Variants in DYRK1A observed in about 807,000 individuals in gnomAD.
DYRK1A encodes the protein dual specificity tyrosine phosphorylation regulated kinase 1A.
Under a neutral mutation model 79.7 loss-of-function variants are expected in DYRK1A, and 9 were observed. That is an observed-to-expected ratio of 0.11 (90% confidence interval 0.07 to 0.20). The LOEUF (loss-of-function observed/expected upper bound fraction) is 0.20. Among genes scored for constraint, DYRK1A ranks in the 10% least tolerant of loss-of-function variants. The pLI, the probability that DYRK1A is intolerant of heterozygous loss-of-function variation, is 1.00. For missense variants in DYRK1A, 622 were observed against 956.0 expected, an observed-to-expected ratio of 0.65 and a Z score of 4.61; for synonymous variants, 349 against 329.7, an observed-to-expected ratio of 1.06 and a Z score of -0.63.
At chr21:37,500,191 TATC>T (rs1263957947) in intron 9 of DYRK1A, among the ~76,000 whole-genome samples, 1 of 152,216 alleles carries the variant, frequency 6.6e-6, no homozygotes, top group Non-Finnish European at 1.5e-5. Context: ...GCTTTTTTAA[TATC>T]ATGAGTGGGT....
At chr21:37,495,581 G>A (rs1375661174) in intron 8 of DYRK1A, among the ~76,000 whole-genome samples, 1 of 151,980 alleles carries the variant, frequency 6.6e-6, no homozygotes, top group Non-Finnish European at 1.5e-5. Flanking sequence ...GCAGTGAGCC[G>A]AGATTGCGCC....
At chr21:37,370,421 A>C (rs953377312) in intron 1 of DYRK1A, among the ~76,000 whole-genome samples, 2 of 152,128 alleles carry the variant, frequency 1.3e-5, no homozygotes, top group African/African-American at 4.8e-5. Context: ...TATAGGCGAG[A>C]AGGGAATTGC....
At chr21:37,407,881 A>G (rs2050176780) in intron 1 of DYRK1A, among the ~76,000 whole-genome samples, 1 of 152,190 alleles carries the variant, frequency 6.6e-6, no homozygotes, top group South Asian at 2.1e-4. Flanking sequence ...CCAGCTTGGC[A>G]CTATGAAGTT....
At chr21:37,464,051 G>A (rs1055341070) in intron 2 of DYRK1A, among the ~76,000 whole-genome samples, 10 of 152,070 alleles carry the variant, frequency 6.6e-5, no homozygotes, top group African/African-American at 2.4e-4. Context: ...TTCAGGTTAG[G>A]TAAGAATAAC....
At position 37,522,816 on chromosome 21, in the gene DYRK1A, C is replaced by G. The variant is rs910782567; in HGVS notation, c.*10285C>G. On this transcript the variant is annotated 3_prime_UTR_variant, in exon 12 of 12. Transcript: ENST00000647188. The stretch of plus-strand genomic sequence containing the variant: ...AAAAGCCTGCTCTTTGCCCATTTCT[C>G]TGTTCCCAAGGTCATTTTCTCCCCT... 4 of 152,372 alleles carry G rather than the reference C, an allele frequency of 2.6e-5. No homozygotes were observed. The highest frequency in any genetic ancestry group is 4.8e-5 in the African/African-American group (2 of 41,460). 9.4% of individuals were successfully genotyped at this position (152,372 alleles called of 1,614,324 possible).
chr21:37,380,293 A>G (rs1675511989), intron 1 of DYRK1A, among the ~76,000 whole-genome samples: 1 of 152,278 alleles, frequency 6.6e-6, no homozygotes, highest in African/African-American at 2.4e-5. Context: ...AATGTTCGTT[A>G]TTGAGAGACA....
chr21:37,478,351 A>T, intron 4 of DYRK1A, 51 bp downstream of exon 4: 1 of 1,551,328 alleles, frequency 6.4e-7, no homozygotes, highest in Non-Finnish European at 8.8e-7. Context: ...TGTCATTGAG[A>T]AAAAAAGTGT....
chr21:37,452,611 G>A (rs2148505347), intron 2 of DYRK1A, among the ~76,000 whole-genome samples: 1 of 152,120 alleles, frequency 6.6e-6, no homozygotes, highest in East Asian at 1.9e-4. Flanking sequence ...AGTTTGTACT[G>A]GAGAGGAAAC....
At chr21:37,474,571 A>G (rs1404506246) in intron 3 of DYRK1A, among the ~76,000 whole-genome samples, 11 of 152,210 alleles carry the variant, frequency 7.2e-5, no homozygotes, top group Admixed American at 7.2e-4. Flanking sequence ...TGGCCGGCTC[A>G]TGATCTGGTT....
chr21:37,368,605 A>G (rs1253916474), intron 1 of DYRK1A, among the ~76,000 whole-genome samples: 1 of 152,148 alleles, frequency 6.6e-6, no homozygotes, highest in Non-Finnish European at 1.5e-5. Flanking sequence ...TGTTTTCACA[A>G]GTGCCAGGCT....
chr21:37,475,797 AT>A (rs999355462), intron 3 of DYRK1A, among the ~76,000 whole-genome samples: 66 of 151,820 alleles, frequency 4.3e-4, no homozygotes, highest in African/African-American at 1.1e-3. Context: ...TATATTTGAA[AT>A]TTTTTTTTGA....
intron 9 of DYRK1A, among the ~76,000 whole-genome samples, chr21:37,498,358 T>C (rs1320384267): frequency 6.6e-6 from 1 of 152,204 alleles, no homozygotes; most frequent in African/African-American, 2.4e-5. Flanking sequence ...TTGTGACCTT[T>C]TCTGTTATCC....
chr21:37,463,798 G>T (rs958794922), intron 2 of DYRK1A, among the ~76,000 whole-genome samples: 1 of 152,266 alleles, frequency 6.6e-6, no homozygotes, highest in Non-Finnish European at 1.5e-5. Context: ...CTTGTTGCTA[G>T]GGACCTCGTG....
chr21:37,501,082 T>C (rs2053429237), intron 9 of DYRK1A, among the ~76,000 whole-genome samples: 1 of 151,740 alleles, frequency 6.6e-6, no homozygotes, highest in Non-Finnish European at 1.5e-5. Flanking sequence ...TTTGCTACTA[T>C]AGAATTTAAT....
chr21:37,476,983 C>T (rs561714192), intron 3 of DYRK1A, among the ~76,000 whole-genome samples: 18 of 152,202 alleles, frequency 1.2e-4, no homozygotes, highest in African/African-American at 4.3e-4. Flanking sequence ...ATAAAGCGCA[C>T]GTAGTAAAGT....
intron 1 of DYRK1A, among the ~76,000 whole-genome samples, chr21:37,374,427 T>G (rs1041578591): frequency 6.6e-6 from 1 of 151,620 alleles, no homozygotes; most frequent in Admixed American, 6.6e-5. Flanking sequence ...TGAAATATTA[T>G]TAGCTCTAGT....
chr21:37,509,304 T>G (rs2053687032), intron 11 of DYRK1A, among the ~76,000 whole-genome samples: 1 of 152,250 alleles, frequency 6.6e-6, no homozygotes, highest in Non-Finnish European at 1.5e-5. Flanking sequence ...TCTTGGTTTT[T>G]CTAGTCTTGA....
intron 1 of DYRK1A, among the ~76,000 whole-genome samples, chr21:37,369,801 A>C (rs774882783): frequency 1.4e-4 from 21 of 152,372 alleles, no homozygotes; most frequent in Non-Finnish European, 2.2e-4. Flanking sequence ...CTTTGTTTTG[A>C]GATCTAAGTA....
Position 37,525,328 on chromosome 21 carries a change from A to C in DYRK1A, c.*12797A>C, listed in dbSNP as rs1321660311. The stretch of plus-strand genomic sequence containing the variant: ...CGTTGTGGAAGGTAAAGGAGAAGCC[A>C]AGGCAAGTCTTAGGTGGCGGCAAGC... On this transcript the variant is annotated 3_prime_UTR_variant, in exon 12 of 12. Coordinates refer to ENST00000647188, the MANE Select transcript of DYRK1A (RefSeq NM_001347721.2). 6.6e-6 allele frequency: 1 copy of C among 152,248 alleles called. No homozygotes were observed. The allele number at this position is 152,248 out of a possible 1,614,324, so 9.4% of individuals were successfully genotyped here.
Sources: allele counts gnomAD v4.1 joint callset (sites outside exome capture counted in the v4.1 genomes callset), GRCh38; gene constraint gnomAD v4.1.1; transcripts MANE v1.5; gene names NCBI Gene and HGNC (gene_info 2026-07-23, HGNC 2026-07-21).